Variants in FHIT observed in about 807,000 individuals in gnomAD.
The protein encoded by FHIT is fragile histidine triad diadenosine triphosphatase.
In FHIT, 19 loss-of-function variants were observed where a neutral mutation model predicts 17.9. The observed-to-expected ratio is 1.06, with a 90% confidence interval of 0.74 to 1.56. The LOEUF (loss-of-function observed/expected upper bound fraction) is 1.56. Ranked by LOEUF, FHIT falls within the 40% of genes most tolerant of loss-of-function variation. The pLI, the probability that FHIT is intolerant of heterozygous loss-of-function variation, is 0.00. For synonymous variants in FHIT, 81 were observed against 69.7 expected, an observed-to-expected ratio of 1.16 and a Z score of -0.81; for missense variants, 248 against 189.2, an observed-to-expected ratio of 1.31 and a Z score of -1.82.
intron 5 of FHIT, among the ~76,000 whole-genome samples, chr3:60,147,379 G>A (rs1467587758): frequency 6.6e-6 from 1 of 152,148 alleles, no homozygotes; most frequent in Non-Finnish European, 1.5e-5. Context: ...AGAGACTGCA[G>A]CAGCTCTGGG....
At chr3:60,773,891 A>G (rs888694346) in intron 4 of FHIT, among the ~76,000 whole-genome samples, 4 of 152,200 alleles carry the variant, frequency 2.6e-5, no homozygotes, top group South Asian at 2.1e-4. Flanking sequence ...TTTGCCTTTA[A>G]TCATCTTCTT....
intron 5 of FHIT, among the ~76,000 whole-genome samples, chr3:60,424,887 C>A (rs1559902449): frequency 6.6e-6 from 1 of 152,108 alleles, no homozygotes; most frequent in Non-Finnish European, 1.5e-5. Flanking sequence ...ACAAAAATAA[C>A]TGATCCACAG....
At chr3:60,524,102 A>G (rs1007443125) in intron 5 of FHIT, among the ~76,000 whole-genome samples, 2 of 152,052 alleles carry the variant, frequency 1.3e-5, no homozygotes, top group African/African-American at 2.4e-5. Flanking sequence ...AACACCTCCT[A>G]TGAGCCTGGC....
At chr3:60,501,274 G>A (rs1046976904) in intron 5 of FHIT, among the ~76,000 whole-genome samples, 18 of 151,662 alleles carry the variant, frequency 1.2e-4, no homozygotes, top group African/African-American at 3.1e-4. Context: ...TTGATAACTC[G>A]TTGTAGGTAG....
At chr3:61,119,352 G>C (rs1013444661) in intron 2 of FHIT, among the ~76,000 whole-genome samples, 1 of 151,988 alleles carries the variant, frequency 6.6e-6, no homozygotes, top group Non-Finnish European at 1.5e-5. Context: ...TGAGCAGCTG[G>C]GATTACAGCC....
chr3:60,184,209 T>G (rs749431605), intron 5 of FHIT, among the ~76,000 whole-genome samples: 1 of 152,102 alleles, frequency 6.6e-6, no homozygotes, highest in Non-Finnish European at 1.5e-5. Context: ...GGTCTCAGAC[T>G]CTTGGTGTGA....
At chr3:60,758,739 T>G (rs1699534583) in intron 4 of FHIT, among the ~76,000 whole-genome samples, 2 of 152,210 alleles carry the variant, frequency 1.3e-5, no homozygotes, top group South Asian at 4.1e-4. Context: ...GGCACTATTT[T>G]ATGAACTAGA....
chr3:60,626,552 C>T (rs532581939), intron 4 of FHIT, among the ~76,000 whole-genome samples: 4 of 152,076 alleles, frequency 2.6e-5, no homozygotes, highest in Non-Finnish European at 1.5e-5. Context: ...GTATATTGTT[C>T]TTGTATCCTA....
intron 4 of FHIT, among the ~76,000 whole-genome samples, chr3:60,804,317 T>C (rs1433752991): frequency 6.6e-6 from 1 of 152,174 alleles, no homozygotes; most frequent in Non-Finnish European, 1.5e-5. Context: ...TTGCCTACTA[T>C]CTTGAAACTC....
At chr3:60,829,805 G>A (rs1702256819) in intron 3 of FHIT, among the ~76,000 whole-genome samples, 1 of 152,178 alleles carries the variant, frequency 6.6e-6, no homozygotes. Flanking sequence ...TCCTTCTTTA[G>A]CATAAGGATT....
At chr3:60,795,880 G>T (rs910428111) in intron 4 of FHIT, among the ~76,000 whole-genome samples, 1 of 152,132 alleles carries the variant, frequency 6.6e-6, no homozygotes, top group East Asian at 1.9e-4. Flanking sequence ...GCTTGGCATT[G>T]TTTTCAAGGT....
At chr3:60,707,277 T>A (rs1312585725) in intron 4 of FHIT, among the ~76,000 whole-genome samples, 2 of 152,204 alleles carry the variant, frequency 1.3e-5, no homozygotes, top group Non-Finnish European at 2.9e-5. Context: ...ACCTTACAGA[T>A]GATTCTATGA....
chr3:60,568,708 G>A (rs927620337), intron 4 of FHIT, among the ~76,000 whole-genome samples: 4 of 152,020 alleles, frequency 2.6e-5, no homozygotes, highest in Non-Finnish European at 5.9e-5. Flanking sequence ...ACCTACCACT[G>A]GAACTCAACC....
chr3:60,775,880 G>A (rs1700202750), intron 4 of FHIT, among the ~76,000 whole-genome samples: 1 of 152,168 alleles, frequency 6.6e-6, no homozygotes, highest in African/African-American at 2.4e-5. Context: ...CCTGGCCAAG[G>A]GATGTAACTC....
chr3:60,142,669 C>G (rs181955008), intron 5 of FHIT, among the ~76,000 whole-genome samples: 1 of 150,106 alleles, frequency 6.7e-6, no homozygotes, highest in African/African-American at 2.4e-5. Flanking sequence ...GCCCGGCTAA[C>G]ATTTTTGCGT....
At chr3:60,552,392 G>A (rs868745221) in intron 4 of FHIT, among the ~76,000 whole-genome samples, 3 of 152,130 alleles carry the variant, frequency 2.0e-5, no homozygotes, top group African/African-American at 7.2e-5. Flanking sequence ...ACATTTTAAG[G>A]AACTGCCAAG....
intron 4 of FHIT, among the ~76,000 whole-genome samples, chr3:60,592,492 C>T (rs777642125): frequency 6.6e-6 from 1 of 152,044 alleles, no homozygotes; most frequent in Non-Finnish European, 1.5e-5. Context: ...GCACCGTGGT[C>T]ATCTAAAACC....
At chr3:60,960,268 CTCTT>C (rs1709355798) in intron 3 of FHIT, among the ~76,000 whole-genome samples, 1 of 152,132 alleles carries the variant, frequency 6.6e-6, no homozygotes, top group African/African-American at 2.4e-5. Context: ...GACTTTCTTT[CTCTT>C]TCTTTTTTGT....
rs564580043 is a variant in FHIT, at chr3:61,238,325, T to C, written c.-213+12976A>G. Among the ~76,000 whole-genome samples the C allele has an allele frequency of 4.1e-4, 63 of 152,252 alleles. 2 individuals are homozygous for C. The East Asian group carries it at 0.011, about 27-fold the overall frequency. On this transcript the variant is annotated intron_variant, in intron 1 of 9. Transcript: ENST00000492590. ...ATGACTTACAATCAGTAACAGAAGA[T>C]GGCCCAGAAGTAGTGTGGTACAGTG...
Sources: gnomAD v4.1 joint callset for allele counts (sites outside exome capture counted in the v4.1 genomes callset) on GRCh38, gnomAD v4.1.1 for gene constraint, MANE v1.5 for transcripts, NCBI Gene and HGNC (gene_info 2026-07-23, HGNC 2026-07-21) for gene names.